Variants in TMEM132D observed in about 807,000 individuals in gnomAD.
The protein encoded by TMEM132D is mature OL transmembrane protein.
Under a neutral mutation model 62.3 loss-of-function variants are expected in TMEM132D, and 21 were observed. The ratio of observed to expected loss-of-function variants is 0.34; its 90% confidence interval spans 0.24 to 0.49. The LOEUF (loss-of-function observed/expected upper bound fraction) is 0.49, where lower values mean the gene tolerates loss of function less well. Ranked by LOEUF, TMEM132D falls within the 20% of genes least tolerant of loss-of-function variation. The pLI is 0.99. For synonymous variants in TMEM132D, 621 were observed against 575.6 expected (o/e 1.08, Z -1.13); for missense variants, 1,346 against 1,402.8 (o/e 0.96, Z 0.65).
At chr12:129,084,334 G>A (rs550676571) in intron 6 of TMEM132D, among the ~76,000 whole-genome samples, 163 bp downstream of exon 6, 18 of 152,258 alleles carry the variant, frequency 1.2e-4, no homozygotes, top group Non-Finnish European at 2.1e-4. Context: ...CCCGAAAAAC[G>A]CTGATAAAGA....
At chr12:129,654,656 G>A (rs949067289) in intron 2 of TMEM132D, among the ~76,000 whole-genome samples, 10 of 152,252 alleles carry the variant, frequency 6.6e-5, no homozygotes, top group East Asian at 1.9e-4. Context: ...TATAGTTTCC[G>A]GAGGTGGCAA....
At chr12:129,278,905 C>T (rs138899588) in intron 4 of TMEM132D, among the ~76,000 whole-genome samples, 1 of 152,168 alleles carries the variant, frequency 6.6e-6, no homozygotes, top group Non-Finnish European at 1.5e-5. Flanking sequence ...TGGATGGGGC[C>T]AAGAATGAAG....
chr12:129,170,337 T>C (rs1018590565), intron 5 of TMEM132D: 4 of 152,184 alleles, frequency 2.6e-5, no homozygotes, highest in Admixed American at 2.6e-4. Flanking sequence ...TGAAAATATT[T>C]GTTGATACAG....
intron 3 of TMEM132D, among the ~76,000 whole-genome samples, chr12:129,466,873 A>G (rs567893927): frequency 6.6e-6 from 1 of 152,278 alleles, no homozygotes; most frequent in East Asian, 1.9e-4. Flanking sequence ...ATCTCCAGGA[A>G]GACTATGCAG....
intron 1 of TMEM132D, among the ~76,000 whole-genome samples, chr12:129,826,287 T>G (rs1872662649): frequency 6.6e-6 from 1 of 152,172 alleles, no homozygotes; most frequent in African/African-American, 2.4e-5. Context: ...TGACCAGAGC[T>G]GAGCACACAG....
At chr12:129,632,604 C>T (rs79946301) in intron 2 of TMEM132D, among the ~76,000 whole-genome samples, 4,525 of 152,274 alleles carry the variant, frequency 0.03, 175 homozygotes, top group African/African-American at 0.083. Flanking sequence ...CATGGCTGTC[C>T]GCTCTGAGCA....
chr12:129,386,220 T>C (rs993056239), intron 3 of TMEM132D, among the ~76,000 whole-genome samples: 4 of 152,148 alleles, frequency 2.6e-5, no homozygotes, highest in Admixed American at 6.5e-5. Flanking sequence ...TAAAGTACCA[T>C]GGAATAAGAA....
At chr12:129,385,085 C>CTCT (rs1566052208) in intron 3 of TMEM132D, among the ~76,000 whole-genome samples, 8 of 86,890 alleles carry the variant, frequency 9.2e-5, no homozygotes, top group Admixed American at 1.3e-4. Context: ...TGTTAAAGTT[C>CTCT]TTTTTTTTTT....
intron 2 of TMEM132D, among the ~76,000 whole-genome samples, chr12:129,549,437 C>G (rs1876829424): frequency 1.3e-5 from 2 of 151,840 alleles, no homozygotes; most frequent in Admixed American, 1.3e-4. Flanking sequence ...CTCCTGTTCT[C>G]ATGGTAGTGA....
At chr12:129,257,667 G>T (rs187151406) in intron 4 of TMEM132D, among the ~76,000 whole-genome samples, 2 of 152,286 alleles carry the variant, frequency 1.3e-5, no homozygotes, top group African/African-American at 4.8e-5. Context: ...AGATGCAGGG[G>T]TGGATCTGGG....
intron 3 of TMEM132D, among the ~76,000 whole-genome samples, chr12:129,487,030 A>T (rs1307057161): frequency 1.1e-5 from 1 of 91,354 alleles, no homozygotes; most frequent in Non-Finnish European, 2.5e-5. Context: ...ATGTTTGCGT[A>T]TGGGGGGGGG....
chr12:129,356,958 A>AAG (rs1870081966), intron 3 of TMEM132D, among the ~76,000 whole-genome samples: 1 of 99,588 alleles, frequency 1.0e-5, no homozygotes, highest in Admixed American at 1.2e-4. Context: ...AGGGGAGGGG[A>AAG]GGGCAAGGCC....
intron 3 of TMEM132D, among the ~76,000 whole-genome samples, chr12:129,397,109 C>T (rs1042721644): frequency 3.9e-5 from 6 of 152,150 alleles, no homozygotes; most frequent in Admixed American, 6.5e-5. Flanking sequence ...ATAGGCATAT[C>T]GACAATATTG....
rs556441675 is a variant in TMEM132D at position 129,412,475 on chromosome 12, A to G, written c.1116-74658T>C. Among the ~76,000 whole-genome samples the G allele has an allele frequency of 2.0e-5, 3 of 149,702 alleles. No homozygotes were observed. The East Asian group carries it at 6.0e-4, about 30-fold the overall frequency. On this transcript the variant is annotated intron_variant, in intron 3 of 8. Coordinates refer to ENST00000422113, the MANE Select transcript of TMEM132D (RefSeq NM_133448.3). Reference sequence around the variant, plus strand: ...TTTTAAAATTCAGAAGTCTACTGGGAATTTTGAAAACATTTTGCTTTCCTG... The same window carrying G: ...TTTTAAAATTCAGAAGTCTACTGGGGATTTTGAAAACATTTTGCTTTCCTG...
chr12:129,758,180 C>T (rs1406069277), intron 1 of TMEM132D, among the ~76,000 whole-genome samples: 1 of 152,144 alleles, frequency 6.6e-6, no homozygotes, highest in Non-Finnish European at 1.5e-5. Context: ...GCTGGGATTA[C>T]AGGTGTGAGC....
intron 1 of TMEM132D, among the ~76,000 whole-genome samples, chr12:129,772,286 A>G (rs1237458255): frequency 1.3e-5 from 2 of 152,326 alleles, no homozygotes; most frequent in East Asian, 1.9e-4. Flanking sequence ...ATTCAATAGT[A>G]TAATTTGAGG....
In TMEM132D at chr12:129,582,739, T is replaced by C. The variant is rs566828823; in HGVS notation, c.969-51534A>G. ...GTTCAAGCGATTCTCCTGCCTCACCTTCCCAAGTAGCTGTGACTACAGGCA... is the reference window on the plus strand; with the variant it reads ...GTTCAAGCGATTCTCCTGCCTCACCCTCCCAAGTAGCTGTGACTACAGGCA... On this transcript the variant is annotated intron_variant, in intron 2 of 8. Transcript: ENST00000422113. Among the ~76,000 whole-genome samples, 300 of 151,830 alleles carry C rather than the reference T, an allele frequency of 2.0e-3. 1 individual carries two copies. The highest frequency in any genetic ancestry group is 2.1e-3 in the Non-Finnish European group (143 of 67,904).
intron 2 of TMEM132D, among the ~76,000 whole-genome samples, chr12:129,687,042 G>A (rs150524069): frequency 3.1e-3 from 465 of 152,276 alleles, no homozygotes; most frequent in African/African-American, 0.01. Context: ...GGAGCAAACT[G>A]CTCCTTTCAA....
At position 129,604,814 on chromosome 12, in the gene TMEM132D, C is replaced by T. The variant is rs149232627; in HGVS notation, c.969-73609G>A. ...TTCAAATGAATTCCAAGTTCCAGTTCCAGAGACCCAGCTAAGACACAAAAT... is the reference window on the plus strand; with the variant it reads ...TTCAAATGAATTCCAAGTTCCAGTTTCAGAGACCCAGCTAAGACACAAAAT... On this transcript the variant is annotated intron_variant, in intron 2 of 8. Coordinates refer to ENST00000422113, the MANE Select transcript of TMEM132D (RefSeq NM_133448.3). Among the ~76,000 whole-genome samples, 1,268 of 152,226 alleles carry T rather than the reference C, an allele frequency of 8.3e-3. 26 individuals are homozygous for T. Among genetic ancestry groups the T allele is most frequent in the African/African-American group, 0.029 (1,192 of 41,522 alleles).
Sources: allele counts gnomAD v4.1 joint callset (sites outside exome capture counted in the v4.1 genomes callset), GRCh38; gene constraint gnomAD v4.1.1; transcripts MANE v1.5; gene names NCBI Gene and HGNC (gene_info 2026-07-23, HGNC 2026-07-21).